Variants in KCNN2 observed in about 807,000 individuals in gnomAD.
KCNN2 encodes the protein potassium calcium-activated channel subfamily N member 2, also known as small conductance calcium-activated potassium channel protein 2.
In KCNN2, 24 loss-of-function variants were observed where a neutral mutation model predicts 55.5. The observed-to-expected ratio is 0.43, with a 90% confidence interval of 0.31 to 0.61. KCNN2 has a LOEUF of 0.61. KCNN2 is among the 20% of genes least tolerant of loss of function. The probability of loss-of-function intolerance (pLI) is 0.08; values close to 1 mark genes in which losing one functional copy is unlikely to be tolerated. For synonymous variants in KCNN2, 431 were observed against 336.1 expected, an observed-to-expected ratio of 1.28 and a Z score of -3.09; for missense variants, 754 against 853.6, an observed-to-expected ratio of 0.88 and a Z score of 1.45.
intron 2 of KCNN2, among the ~76,000 whole-genome samples, chr5:114,333,193 T>C (rs1756857084): frequency 6.6e-6 from 1 of 152,192 alleles, no homozygotes; most frequent in South Asian, 2.1e-4. Flanking sequence ...AAGAATGGAA[T>C]GTGAAGATAA....
At chr5:114,190,717 T>C (rs1345371872) in intron 1 of KCNN2, among the ~76,000 whole-genome samples, 1 of 152,196 alleles carries the variant, frequency 6.6e-6, no homozygotes, top group Non-Finnish European at 1.5e-5. Context: ...TATGTGTGCA[T>C]GGATTTAAAA....
At chr5:114,191,688 C>A (rs1308988820) in intron 1 of KCNN2, among the ~76,000 whole-genome samples, 1 of 152,104 alleles carries the variant, frequency 6.6e-6, no homozygotes, top group Non-Finnish European at 1.5e-5. Flanking sequence ...GGACATGCTG[C>A]TAACTAAGAA....
intron 1 of KCNN2, among the ~76,000 whole-genome samples, chr5:114,097,596 G>A (rs1433491287): frequency 2.6e-5 from 4 of 152,176 alleles, no homozygotes; most frequent in South Asian, 2.1e-4. Flanking sequence ...TGCCGCTATT[G>A]AAGGTAGCAG....
At chr5:114,196,027 A>G (rs1036736650) in intron 1 of KCNN2, among the ~76,000 whole-genome samples, 1 of 152,070 alleles carries the variant, frequency 6.6e-6, no homozygotes, top group African/African-American at 2.4e-5. Context: ...GAGTTCTCTC[A>G]GTACCATTTG....
At chr5:114,267,773 C>T (rs1462545148) in intron 2 of KCNN2, among the ~76,000 whole-genome samples, 1 of 152,124 alleles carries the variant, frequency 6.6e-6, no homozygotes, top group Non-Finnish European at 1.5e-5. Context: ...TAATTTCATA[C>T]CCTGCTAATA....
chr5:114,077,894 A>G (rs1750716731), intron 1 of KCNN2, among the ~76,000 whole-genome samples: 1 of 152,216 alleles, frequency 6.6e-6, no homozygotes, highest in Non-Finnish European at 1.5e-5. Flanking sequence ...TGTGCAATTG[A>G]AAACAGACCA....
intron 1 of KCNN2, among the ~76,000 whole-genome samples, chr5:114,094,625 G>A (rs1751219123): frequency 6.6e-6 from 1 of 152,184 alleles, no homozygotes; most frequent in African/African-American, 2.4e-5. Context: ...GTTAAATACA[G>A]TAACACCTCC....
At chr5:114,218,389 A>G (rs1754053049) in intron 1 of KCNN2, among the ~76,000 whole-genome samples, 1 of 152,236 alleles carries the variant, frequency 6.6e-6, no homozygotes, top group Non-Finnish European at 1.5e-5. Context: ...TATCCAGACA[A>G]TGGAATATTA....
chr5:114,354,188 C>A lies in KCNN2; in HGVS notation c.-184-6757C>A, dbSNP rs575451615. Among the ~76,000 whole-genome samples, 401 of 151,998 alleles carry A rather than the reference C, an allele frequency of 2.6e-3. 2 individuals carry two copies. The highest frequency in any genetic ancestry group is 9.4e-3 in the African/African-American group (390 of 41,514). ...AGTTTATTGATTCTTTTTCTGCTGGCTCAAATTTATCATTGAATTTTTCAT... is the reference window on the plus strand; with the variant it reads ...AGTTTATTGATTCTTTTTCTGCTGGATCAAATTTATCATTGAATTTTTCAT... On this transcript the variant is annotated intron_variant, in intron 2 of 10. Transcript: ENST00000512097.
intron 2 of KCNN2, among the ~76,000 whole-genome samples, chr5:114,283,331 T>C (rs1755662342): frequency 6.6e-6 from 1 of 152,286 alleles, no homozygotes; most frequent in Admixed American, 6.5e-5. Context: ...AACCCATCTA[T>C]TGAGTGTTAA....
intron 1 of KCNN2, among the ~76,000 whole-genome samples, chr5:114,121,404 A>G (rs1354099247): frequency 6.6e-6 from 1 of 152,160 alleles, no homozygotes; most frequent in African/African-American, 2.4e-5. Context: ...ATATGTACAC[A>G]GGATGAGCTC....
At position 114,487,167 on chromosome 5, in the gene KCNN2, G is replaced by A; in HGVS notation, c.2008G>A (p.Ala670Thr). 6.2e-7 allele frequency: 1 copy of A among 1,612,732 alleles called. No individual in the cohort carries two copies. The highest frequency in any genetic ancestry group is 8.5e-7 in the Non-Finnish European group (1 of 1,179,108). Reference protein sequence around the residue: ...VRKHQRKFLQAIHQLRSVKME... With the variant: ...VRKHQRKFLQTIHQLRSVKME... The stretch of plus-strand genomic sequence containing the variant: ...AAAACATCAACGAAAATTCCTGCAA[G>A]CTATTCATCAGTAAGTATCATTTTT... The change falls in exon 6 of 8, where the codon GCT (alanine) becomes ACT (threonine). Residue 670 changes from alanine (A) to threonine (T), a missense_variant. By Grantham distance (58) the Ala-to-Thr change is moderately conservative (BLOSUM62 0). Coordinates refer to ENST00000673685, the MANE Select transcript of KCNN2 (RefSeq NM_021614.4).
At chr5:114,276,657 CATTTTTT>C (rs1755494226) in intron 2 of KCNN2, among the ~76,000 whole-genome samples, 1 of 14,216 alleles carries the variant, frequency 7.0e-5, no homozygotes, top group African/African-American at 1.7e-4. Flanking sequence ...GCAACCCCTG[CATTTTTT>C]TTTTTTTTGC....
intron 5 of KCNN2, among the ~76,000 whole-genome samples, chr5:114,484,829 T>C (rs1762378402): frequency 6.6e-6 from 1 of 152,140 alleles, no homozygotes; most frequent in Admixed American, 6.6e-5. Flanking sequence ...TTCCTGTATT[T>C]AGAAGTTTTT....
intron 7 of KCNN2, among the ~76,000 whole-genome samples, chr5:114,495,211 A>G (rs1484419098): frequency 6.6e-6 from 1 of 152,224 alleles, no homozygotes; most frequent in Non-Finnish European, 1.5e-5. Flanking sequence ...CCAGGAGGTC[A>G]GAGCCATGGC....
At chr5:114,464,974 T>C (rs1007517140) in intron 4 of KCNN2, among the ~76,000 whole-genome samples, 42 of 152,136 alleles carry the variant, frequency 2.8e-4, no homozygotes, top group African/African-American at 1.0e-3. Context: ...GGGATATAAA[T>C]GATGCTATTT....
chr5:114,304,854 A>T (rs1035431639), intron 2 of KCNN2, among the ~76,000 whole-genome samples: 1 of 152,198 alleles, frequency 6.6e-6, no homozygotes, highest in African/African-American at 2.4e-5. Flanking sequence ...AATGATATCT[A>T]CCAAGTGCTG....
chr5:114,436,410 G>T (rs1760005592), intron 3 of KCNN2, among the ~76,000 whole-genome samples: 2 of 152,142 alleles, frequency 1.3e-5, no homozygotes, highest in South Asian at 2.1e-4. Context: ...ATCATTAAAT[G>T]ATCGTAAAAT....
chr5:114,364,459 TTATA>T (rs1333046099), intron 2 of KCNN2, among the ~76,000 whole-genome samples: 1 of 152,074 alleles, frequency 6.6e-6, no homozygotes, highest in Non-Finnish European at 1.5e-5. Context: ...GCCAGCTAAT[TTATA>T]TAAATGAGAT....
Sources: allele counts gnomAD v4.1 joint callset (sites outside exome capture counted in the v4.1 genomes callset), GRCh38; gene constraint gnomAD v4.1.1; transcripts MANE v1.5; gene names NCBI Gene and HGNC (gene_info 2026-07-23, HGNC 2026-07-21).